The following ZMIZ1 variants were observed in gnomAD, a reference collection of about 807,000 sequenced individuals.
ZMIZ1 encodes the protein zinc finger MIZ-type containing 1, also known as zinc finger MIZ domain-containing protein 1.
Under a neutral mutation model 113.9 loss-of-function variants are expected in ZMIZ1, and 17 were observed. The observed-to-expected ratio is 0.15, with a 90% CI of 0.10 to 0.22. The LOEUF is 0.22. Among genes scored for constraint, ZMIZ1 ranks in the 10% least tolerant of loss-of-function variants. ZMIZ1 has a pLI of 1.00. For synonymous variants in ZMIZ1, 607 were observed against 603.1 expected (o/e 1.01, Z -0.09); for missense variants, 1,059 against 1,477.8 (o/e 0.72, Z 4.65).
At chr10:79,071,687 G>A (rs539330164) in intron 1 of ZMIZ1, among the ~76,000 whole-genome samples, 81 of 152,276 alleles carry the variant, frequency 5.3e-4, no homozygotes, top group African/African-American at 1.9e-3. Context: ...GCCTTGGGCT[G>A]ACCTTTCCCT....
chr10:79,150,756 G>C (rs1845682586), intron 3 of ZMIZ1, among the ~76,000 whole-genome samples: 1 of 152,156 alleles, frequency 6.6e-6, no homozygotes, highest in South Asian at 2.1e-4. Flanking sequence ...ATCCACCCCT[G>C]TCTGCCTGGA....
intron 1 of ZMIZ1, among the ~76,000 whole-genome samples, chr10:79,111,513 G>T (rs1843737304): frequency 6.6e-6 from 1 of 152,220 alleles, no homozygotes; most frequent in African/African-American, 2.4e-5. Flanking sequence ...TGGCTGTGGG[G>T]TGAAGCAGAT....
chr10:79,251,795 A>G (rs2132887650), intron 7 of ZMIZ1, among the ~76,000 whole-genome samples: 1 of 152,336 alleles, frequency 6.6e-6, no homozygotes, highest in East Asian at 1.9e-4. Flanking sequence ...CAACAGGCTC[A>G]GAAAGTTACT....
At chr10:79,122,228 A>G (rs963147545) in intron 2 of ZMIZ1, among the ~76,000 whole-genome samples, 3 of 152,082 alleles carry the variant, frequency 2.0e-5, no homozygotes, top group Non-Finnish European at 4.4e-5. Context: ...TCATCTGCCA[A>G]TGAGCGATGG....
chr10:79,101,703 G>A lies in ZMIZ1; in HGVS notation c.-336-17212G>A, dbSNP rs372279004. ...GGGTGAACCAGGGCAGGGAGGGAGGGAGGCGGGTGGCCAGGTGACGGCCGT... is the reference window on the plus strand; with the variant it reads ...GGGTGAACCAGGGCAGGGAGGGAGGAAGGCGGGTGGCCAGGTGACGGCCGT... On this transcript the variant is annotated intron_variant, in intron 1 of 24. Coordinates refer to ENST00000334512, the MANE Select transcript of ZMIZ1 (RefSeq NM_020338.4). Among the ~76,000 whole-genome samples the A allele has an allele frequency of 7.2e-5, 11 of 152,316 alleles. No homozygotes were observed. In the South Asian group the frequency reaches 1.4e-3, roughly 20 times the overall value.
intron 1 of ZMIZ1, among the ~76,000 whole-genome samples, chr10:79,110,459 C>T (rs774502762): frequency 1.3e-5 from 2 of 152,196 alleles, no homozygotes; most frequent in Admixed American, 1.3e-4. Context: ...ATCCGTCCCA[C>T]CGAAGAAGAG....
chr10:79,202,926 T>C (rs532693879), intron 5 of ZMIZ1, among the ~76,000 whole-genome samples: 23 of 152,356 alleles, frequency 1.5e-4, no homozygotes, highest in Admixed American at 3.3e-4. Context: ...GAGCCTCAGC[T>C]TCCCCATTTG....
intron 7 of ZMIZ1, among the ~76,000 whole-genome samples, chr10:79,239,354 A>G (rs1215818999): frequency 6.6e-6 from 1 of 152,190 alleles, no homozygotes; most frequent in Non-Finnish European, 1.5e-5. Flanking sequence ...TGTCCTGAGA[A>G]GGACCAGGGA....
chr10:79,266,977 TGG>T (rs1851643320), intron 7 of ZMIZ1, among the ~76,000 whole-genome samples: 2 of 152,360 alleles, frequency 1.3e-5, no homozygotes, highest in Admixed American at 6.5e-5. Context: ...CACAGTGGAA[TGG>T]GGCTGAGGAG....
At chr10:79,213,247 C>T (rs1422282579) in intron 6 of ZMIZ1, among the ~76,000 whole-genome samples, 1 of 152,236 alleles carries the variant, frequency 6.6e-6, no homozygotes, top group Non-Finnish European at 1.5e-5. Context: ...ACGCTCCCAC[C>T]ACTGTCAGTC....
intron 1 of ZMIZ1, among the ~76,000 whole-genome samples, chr10:79,096,511 C>CAAAAA (rs570408831): frequency 2.7e-5 from 4 of 150,050 alleles, no homozygotes; most frequent in Non-Finnish European, 4.5e-5. Context: ...GACTCCGTCT[C>CAAAAA]AAAAGAAAAG....
chr10:79,263,690 A>C (rs781760411), intron 7 of ZMIZ1, among the ~76,000 whole-genome samples: 2 of 152,130 alleles, frequency 1.3e-5, no homozygotes, highest in Non-Finnish European at 2.9e-5. Context: ...ACTGGCAGGA[A>C]AAACCAAGGG....
chr10:79,109,477 G>A (rs1843665212), intron 1 of ZMIZ1, among the ~76,000 whole-genome samples: 1 of 152,206 alleles, frequency 6.6e-6, no homozygotes, highest in Non-Finnish European at 1.5e-5. Flanking sequence ...AGTCCTGAAG[G>A]AACTGGGGAG....
Position 79,314,460 on chromosome 10 carries a change from C to T in ZMIZ1, c.*1711C>T, listed in dbSNP as rs947313580. 2.6e-5 allele frequency: 9 copies of T among 345,270 alleles called. No homozygotes were observed. The highest frequency in any genetic ancestry group is 4.6e-5 in the Non-Finnish European group (8 of 174,388). 21.4% of individuals were successfully genotyped at this position (345,270 alleles called of 1,614,324 possible). ...ACAAGGTTTTCTGTAGGAAAGCTGCCATTGCCCCGGCCCCTTTTCTTCCTT... is the reference window on the plus strand; with the variant it reads ...ACAAGGTTTTCTGTAGGAAAGCTGCTATTGCCCCGGCCCCTTTTCTTCCTT... On this transcript the variant is annotated 3_prime_UTR_variant, in exon 25 of 25. Transcript: ENST00000334512.
intron 1 of ZMIZ1, among the ~76,000 whole-genome samples, chr10:79,114,142 C>T (rs1843884963): frequency 6.6e-6 from 1 of 152,206 alleles, no homozygotes; most frequent in Admixed American, 6.5e-5. Context: ...ACTTCCCTGC[C>T]CGGCAGGAGC....
At chr10:79,161,973 G>C (rs562320576) in intron 3 of ZMIZ1, 80 bp from the exon 4 acceptor site, 1 of 398,850 alleles carries the variant, frequency 2.5e-6, no homozygotes, top group Non-Finnish European at 4.4e-6. Context: ...GGATGATATG[G>C]TGGCAGTGGG....
chr10:79,156,944 G>C (rs1185201524), intron 3 of ZMIZ1, among the ~76,000 whole-genome samples: 2 of 150,928 alleles, frequency 1.3e-5, no homozygotes, highest in African/African-American at 4.8e-5. Flanking sequence ...AGGCTGAAGA[G>C]ATAAACAGGC....
At chr10:79,282,934 G>A (rs1266290191) in intron 8 of ZMIZ1, among the ~76,000 whole-genome samples, 1 of 152,226 alleles carries the variant, frequency 6.6e-6, no homozygotes, top group Admixed American at 6.5e-5. Context: ...GGCAAGTAGG[G>A]CACCTTCCAA....
chr10:79,241,292 A>G (rs1849817633), intron 7 of ZMIZ1, among the ~76,000 whole-genome samples: 1 of 152,128 alleles, frequency 6.6e-6, no homozygotes, highest in African/African-American at 2.4e-5. Flanking sequence ...CATCTGGAGG[A>G]TCTGCAGTGG....
Sources: allele counts gnomAD v4.1 joint callset (sites outside exome capture counted in the v4.1 genomes callset), GRCh38; gene constraint gnomAD v4.1.1; transcripts MANE v1.5; gene names NCBI Gene and HGNC (gene_info 2026-07-23, HGNC 2026-07-21).